Variants in KDM2A observed in about 807,000 individuals in gnomAD.
KDM2A encodes the protein lysine-specific demethylase 2A.
In KDM2A, 3 loss-of-function variants were observed where a neutral mutation model predicts 137.3. The observed-to-expected ratio is 0.02, with a 90% CI of 0.01 to 0.06. The LOEUF (loss-of-function observed/expected upper bound fraction) is 0.06, where lower values mean the gene tolerates loss of function less well. Ranked by LOEUF, KDM2A falls within the 10% of genes least tolerant of loss-of-function variation. The pLI is 1.00. For synonymous variants in KDM2A, 512 were observed against 541.5 expected (o/e 0.95, Z 0.76); for missense variants, 738 against 1,510.6 (o/e 0.49, Z 8.48).
At chr11:67,243,826 A>G (rs1363229823) in intron 13 of KDM2A, 1 of 152,256 alleles carries the variant, frequency 6.6e-6, no homozygotes, top group East Asian at 1.9e-4. Flanking sequence ...AGAAAAAAAA[A>G]GAAGAAGAAG....
chr11:67,171,147 C>G (rs1856873433), intron 2 of KDM2A, among the ~76,000 whole-genome samples: 1 of 152,146 alleles, frequency 6.6e-6, no homozygotes, highest in African/African-American at 2.4e-5. Context: ...ATTGCTTAAG[C>G]TGTCCTGAAA....
At chr11:67,177,390 A>G (rs1856993754) in intron 2 of KDM2A, among the ~76,000 whole-genome samples, 1 of 152,224 alleles carries the variant, frequency 6.6e-6, no homozygotes, top group Non-Finnish European at 1.5e-5. Context: ...ACACAGATAC[A>G]TTATACCACG....
At chr11:67,144,612 G>A (rs1452239011) in intron 2 of KDM2A, among the ~76,000 whole-genome samples, 1 of 151,254 alleles carries the variant, frequency 6.6e-6, no homozygotes, top group Non-Finnish European at 1.5e-5. Flanking sequence ...AGCTCATCCA[G>A]GCTGGAGTAC....
chr11:67,156,371 T>G (rs927739933), intron 2 of KDM2A, among the ~76,000 whole-genome samples: 9 of 151,378 alleles, frequency 5.9e-5, no homozygotes, highest in African/African-American at 1.9e-4. Flanking sequence ...GATCATGAGG[T>G]CAGGAGATCA....
chr11:67,214,447 A>G (rs1000266256), intron 6 of KDM2A, among the ~76,000 whole-genome samples: 2 of 151,678 alleles, frequency 1.3e-5, no homozygotes, highest in Admixed American at 1.3e-4. Context: ...CTCGTGATCC[A>G]CCTGCCTCGG....
chr11:67,169,249 C>T (rs143215664), intron 2 of KDM2A, among the ~76,000 whole-genome samples: 33 of 152,066 alleles, frequency 2.2e-4, no homozygotes, highest in African/African-American at 6.3e-4. Context: ...CCACTGCACC[C>T]GGCCTAATCC....
At chr11:67,133,266 A>G (rs1190362970) in intron 2 of KDM2A, among the ~76,000 whole-genome samples, 3 of 150,954 alleles carry the variant, frequency 2.0e-5, no homozygotes, top group African/African-American at 7.3e-5. Flanking sequence ...CACTGCGCTA[A>G]TTTTGTGTTT....
Position 67,119,342 on chromosome 11 carries a change from C to T in KDM2A, c.-791C>T, listed in dbSNP as rs958001730. Reference sequence around the variant, plus strand: ...GTGTGAGGGAAACAACACCCCTCCCCGGCAGCGGCGGCGGCGGCGGCGGCT... The same window carrying T: ...GTGTGAGGGAAACAACACCCCTCCCTGGCAGCGGCGGCGGCGGCGGCGGCT... On this transcript the variant is annotated 5_prime_UTR_variant, in exon 1 of 21. Transcript: ENST00000529006. 65 of 166,188 alleles carry T rather than the reference C, an allele frequency of 3.9e-4. No homozygotes were observed. The highest frequency in any genetic ancestry group is 1.5e-3 in the African/African-American group (62 of 41,104). The allele number at this position is 166,188 out of a possible 1,614,324, so 10.3% of individuals were successfully genotyped here.
intron 17 of KDM2A, among the ~76,000 whole-genome samples, chr11:67,251,994 C>T (rs1209795769): frequency 6.6e-6 from 1 of 152,138 alleles, no homozygotes; most frequent in African/African-American, 2.4e-5. Flanking sequence ...GGGGCAGGGG[C>T]TATAAAATAT....
intron 5 of KDM2A, chr11:67,196,974 T>G (rs577901363): frequency 6.5e-6 from 1 of 153,646 alleles, no homozygotes; most frequent in South Asian, 2.0e-4. Context: ...TCTTATTCAG[T>G]CATCAGTCTT....
At chr11:67,188,904 A>G (rs1340008258) in intron 5 of KDM2A, among the ~76,000 whole-genome samples, 1 of 152,206 alleles carries the variant, frequency 6.6e-6, no homozygotes, top group Non-Finnish European at 1.5e-5. Flanking sequence ...ACGACAGACC[A>G]TCAGTATACC....
At chr11:67,196,584 T>C (rs1857488270) in intron 5 of KDM2A, 1 of 404,814 alleles carries the variant, frequency 2.5e-6, no homozygotes, top group East Asian at 7.1e-5. Context: ...ACACATTACA[T>C]GAATCCTAAG....
chr11:67,146,608 A>C (rs564417798), intron 2 of KDM2A, among the ~76,000 whole-genome samples: 1 of 152,026 alleles, frequency 6.6e-6, no homozygotes, highest in African/African-American at 2.4e-5. Flanking sequence ...TCCCAGACTT[A>C]AGCAATCCTC....
At position 67,179,989 on chromosome 11, in the gene KDM2A, G is replaced by A. The variant is rs906605015; in HGVS notation, c.43-90G>A. On this transcript the variant is annotated intron_variant, in intron 2 of 20. Coordinates refer to ENST00000529006, the MANE Select transcript of KDM2A (RefSeq NM_012308.3). ...AAAATAGCAACTGAGTTTGAAAGTA[G>A]CACTTTGCACATGTAGGGAAATCTA... The A allele has an allele frequency of 1.2e-5, 15 of 1,300,604 alleles. No individual in the cohort carries two copies. The Admixed American group carries it at 1.5e-4, about 13-fold the overall frequency. The allele number at this position is 1,300,604 out of a possible 1,614,324, so 80.6% of individuals were successfully genotyped here.
At chr11:67,199,475 A>T (rs956289744) in intron 5 of KDM2A, among the ~76,000 whole-genome samples, 19 of 152,234 alleles carry the variant, frequency 1.2e-4, no homozygotes, top group African/African-American at 4.3e-4. Context: ...GAACATGGGG[A>T]TAAGAAAGAA....
At chr11:67,203,935 G>A (rs370779255) in intron 5 of KDM2A, among the ~76,000 whole-genome samples, 1 of 151,806 alleles carries the variant, frequency 6.6e-6, no homozygotes, top group Non-Finnish European at 1.5e-5. Context: ...TAAGTAGCTG[G>A]GACTATGGCC....
intron 2 of KDM2A, among the ~76,000 whole-genome samples, chr11:67,167,631 T>A (rs923979866): frequency 3.3e-5 from 5 of 152,160 alleles, no homozygotes; most frequent in African/African-American, 4.8e-5. Flanking sequence ...TATTTTTTTT[T>A]AATCAAGAGA....
chr11:67,255,425 G>T lies in KDM2A; in HGVS notation c.*370G>T, dbSNP rs1372819859. 1 of 467,662 alleles carries T rather than the reference G, an allele frequency of 2.1e-6. No homozygotes were observed. The highest frequency in any genetic ancestry group is 2.3e-5 in the Admixed American group (1 of 42,782). 29.0% of individuals were successfully genotyped at this position (467,662 alleles called of 1,614,324 possible). A position where few individuals can be genotyped will look rare whatever the true frequency, so the allele number is the denominator to read the frequency against. On this transcript the variant is annotated 3_prime_UTR_variant, in exon 21 of 21. Transcript: ENST00000529006. ...TCCTCCCCATCCATGGTCCCCAGCA[G>T]TGCCTGGTTCTGAGCAAACTCCCAG...
At chr11:67,248,516 T>G (rs1388546049) in intron 16 of KDM2A, 146 bp downstream of exon 16, 3 of 593,964 alleles carry the variant, frequency 5.1e-6, no homozygotes, top group Non-Finnish European at 8.9e-6. Flanking sequence ...GTTTTTCCTT[T>G]GGTTAATTTT....
Sources: allele counts gnomAD v4.1 joint callset (sites outside exome capture counted in the v4.1 genomes callset), GRCh38; gene constraint gnomAD v4.1.1; transcripts MANE v1.5; gene names NCBI Gene and HGNC (gene_info 2026-07-23, HGNC 2026-07-21).